RGS6: variants seen among roughly 807,000 people sequenced by gnomAD.
RGS6 encodes regulator of G protein signaling 6, also known as regulator of G-protein signaling 6.
In RGS6, 30 loss-of-function variants were observed where a neutral mutation model predicts 78.5. The ratio of observed to expected loss-of-function variants is 0.38; its 90% confidence interval spans 0.29 to 0.52. The LOEUF is 0.52. Among genes scored for constraint, RGS6 ranks in the 20% least tolerant of loss-of-function variants. The pLI is 0.85. For synonymous variants in RGS6, 206 were observed against 206.0 expected (o/e 1.00, Z 0.00); for missense variants, 495 against 609.7 (o/e 0.81, Z 1.98).
At chr14:72,606,817 A>G in the RGS6 span, among the ~76,000 whole-genome samples, 1 of 152,028 alleles carries the variant, frequency 6.6e-6, no homozygotes, top group Admixed American at 6.5e-5. Flanking sequence ...TTCTTGTTCT[A>G]TTGGTTCACA....
At chr14:72,144,296 G>A (rs1193809798) in intron 2 of RGS6, among the ~76,000 whole-genome samples, 2 of 152,098 alleles carry the variant, frequency 1.3e-5, no homozygotes, top group African/African-American at 4.8e-5. Flanking sequence ...CAGAGTTTGG[G>A]AATAATAACT....
chr14:72,386,247 T>C (rs2087933980), intron 3 of RGS6, among the ~76,000 whole-genome samples: 1 of 152,150 alleles, frequency 6.6e-6, no homozygotes, highest in Admixed American at 6.6e-5. Context: ...TACTAAATAC[T>C]ATTTGGGGGG....
intron 2 of RGS6, among the ~76,000 whole-genome samples, chr14:72,203,505 G>A (rs1235618871): frequency 1.3e-5 from 2 of 152,170 alleles, no homozygotes; most frequent in Non-Finnish European, 2.9e-5. Flanking sequence ...TTGGCCAGGT[G>A]GGGAAGGACC....
intron 2 of RGS6, among the ~76,000 whole-genome samples, chr14:72,187,162 T>C (rs1426353923): frequency 6.6e-6 from 1 of 152,232 alleles, no homozygotes; most frequent in South Asian, 2.1e-4. Context: ...GATGCATTGA[T>C]TTTTTAAAAA....
At chr14:71,947,938 G>C (rs1169415580) in intron 1 of RGS6, among the ~76,000 whole-genome samples, 1 of 152,154 alleles carries the variant, frequency 6.6e-6, no homozygotes, top group Non-Finnish European at 1.5e-5. Context: ...AGTGTTGATA[G>C]TGATGGGGAT....
intron 2 of RGS6, among the ~76,000 whole-genome samples, chr14:72,124,533 T>A (rs2096139770): frequency 6.6e-6 from 1 of 152,210 alleles, no homozygotes; most frequent in South Asian, 2.1e-4. Flanking sequence ...AAACAGCAAG[T>A]GTGTCTTAGG....
intron 17 of RGS6, among the ~76,000 whole-genome samples, chr14:72,553,016 A>G (rs763235814): frequency 9.8e-5 from 15 of 152,324 alleles, no homozygotes; most frequent in Middle Eastern, 3.4e-3. Context: ...TGTGGTCTCA[A>G]CATGCACATG....
At chr14:72,435,910 G>A (rs1035272121) in intron 3 of RGS6, among the ~76,000 whole-genome samples, 1 of 152,126 alleles carries the variant, frequency 6.6e-6, no homozygotes, top group Non-Finnish European at 1.5e-5. Flanking sequence ...TGCCATGTAA[G>A]GTATCATATT....
intron 2 of RGS6, among the ~76,000 whole-genome samples, chr14:72,042,488 T>C (rs192432357): frequency 4.9e-4 from 75 of 152,322 alleles, no homozygotes; most frequent in African/African-American, 1.8e-3. Context: ...ATGTAAATCA[T>C]CTGCAATTCA....
At chr14:72,437,537 T>G (rs2094986055) in intron 3 of RGS6, among the ~76,000 whole-genome samples, 1 of 152,112 alleles carries the variant, frequency 6.6e-6, no homozygotes, top group Non-Finnish European at 1.5e-5. Flanking sequence ...ATTTTGCAAG[T>G]AACCAGCACC....
intron 2 of RGS6, among the ~76,000 whole-genome samples, chr14:72,100,592 A>G (rs2153523416): frequency 6.6e-6 from 1 of 152,252 alleles, no homozygotes; most frequent in South Asian, 2.1e-4. Flanking sequence ...AGTTTGATGT[A>G]CTCTGTGACT....
chr14:72,023,848 G>A (rs1161213845), intron 2 of RGS6, among the ~76,000 whole-genome samples: 1 of 152,178 alleles, frequency 6.6e-6, no homozygotes, highest in Non-Finnish European at 1.5e-5. Flanking sequence ...ATTTACAAAT[G>A]CATCTCCTCA....
intron 2 of RGS6, among the ~76,000 whole-genome samples, chr14:71,979,275 C>G (rs1317465152): frequency 6.7e-6 from 1 of 149,234 alleles, no homozygotes; most frequent in African/African-American, 2.5e-5. Context: ...CATTTCTGCT[C>G]TGATTTTAGT....
At chr14:72,408,600 C>T (rs892116265) in intron 3 of RGS6, among the ~76,000 whole-genome samples, 19 of 152,130 alleles carry the variant, frequency 1.2e-4, no homozygotes, top group African/African-American at 3.4e-4. Flanking sequence ...TTGCCATGAG[C>T]GTTCACAGTT....
intron 2 of RGS6, among the ~76,000 whole-genome samples, chr14:72,348,933 A>G (rs2681746): frequency 0.54 from 82,030 of 151,704 alleles, 24,399 homozygotes; most frequent in African/African-American, 0.81. Flanking sequence ...TTGGGAGGCC[A>G]AGGTGGGCAG....
intron 17 of RGS6, among the ~76,000 whole-genome samples, chr14:72,544,446 A>AAGAT (rs771876714): frequency 2.0e-5 from 3 of 152,096 alleles, no homozygotes; most frequent in African/African-American, 4.8e-5. Flanking sequence ...TTGGGCTCCA[A>AAGAT]AGATAGATAG....
At chr14:71,890,881 C>T in the RGS6 span, among the ~76,000 whole-genome samples, 1 of 152,210 alleles carries the variant, frequency 6.6e-6, no homozygotes, top group East Asian at 1.9e-4. Flanking sequence ...TTTAAATAAA[C>T]ATTTTCTTTT....
chr14:72,208,225 T>C lies in RGS6; in HGVS notation c.85-143870T>C, dbSNP rs557512795. 2.2e-4 allele frequency among the ~76,000 whole-genome samples: 34 copies of C among 152,334 alleles called. No homozygotes were observed. In the South Asian group the frequency reaches 6.6e-3, roughly 30 times the overall value. The stretch of plus-strand genomic sequence containing the variant: ...TATCTCTAGGCATGTGCATAATGCA[T>C]GCTAGGCTTACTGCTATTGGAGCTG... On this transcript the variant is annotated intron_variant, in intron 2 of 17. Coordinates refer to ENST00000553525, the MANE Select transcript of RGS6 (RefSeq NM_001204424.2).
Position 72,563,040 on chromosome 14 carries a change from A to ACAT in RGS6, c.*575_*577dup. 1 of 487,506 alleles carries ACAT rather than the reference A, an allele frequency of 2.1e-6. No homozygotes were observed. The highest frequency in any genetic ancestry group is 3.7e-6 in the Non-Finnish European group (1 of 268,090). The allele number at this position is 487,506 out of a possible 1,614,324, so 30.2% of individuals were successfully genotyped here. Reference sequence around the variant, plus strand: ...TGCTTTCACGTAAAATGTCCAAATCACATCTTCAGCAAGAAAGCAACCTCA... The same window carrying ACAT: ...TGCTTTCACGTAAAATGTCCAAATCACATCATCTTCAGCAAGAAAGCAACCTCA... On this transcript the variant is annotated 3_prime_UTR_variant, in exon 18 of 18. Transcript: ENST00000553525.
Sources: gnomAD v4.1 joint callset for allele counts (sites outside exome capture counted in the v4.1 genomes callset) on GRCh38, gnomAD v4.1.1 for gene constraint, MANE v1.5 for transcripts, NCBI Gene and HGNC (gene_info 2026-07-23, HGNC 2026-07-21) for gene names.